SLC24A2: variants seen among roughly 807,000 people sequenced by gnomAD.
SLC24A2 encodes the protein solute carrier family 24 member 2.
Under a neutral mutation model 62.0 loss-of-function variants are expected in SLC24A2, and 36 were observed. The observed-to-expected ratio is 0.58, with a 90% confidence interval of 0.44 to 0.77. The LOEUF (loss-of-function observed/expected upper bound fraction) is 0.77. SLC24A2 is among the 30% of genes least tolerant of loss of function. SLC24A2 has a pLI of 0.00. For synonymous variants in SLC24A2, 358 were observed against 294.0 expected (o/e 1.22, Z -2.23); for missense variants, 846 against 817.9 (o/e 1.03, Z -0.42).
chr9:19,624,227 C>T (rs568489004), intron 2 of SLC24A2, among the ~76,000 whole-genome samples: 60 of 152,216 alleles, frequency 3.9e-4, no homozygotes, highest in Non-Finnish European at 7.2e-4. Context: ...CGTCAGAGCA[C>T]GCCTGGTCAG....
intron 2 of SLC24A2, among the ~76,000 whole-genome samples, chr9:19,709,528 G>A (rs1223113234): frequency 6.6e-6 from 1 of 151,898 alleles, no homozygotes; most frequent in Non-Finnish European, 1.5e-5. Context: ...ACGATAGACT[G>A]GATTAAGAAA....
At chr9:20,147,402 C>T in the SLC24A2 span, among the ~76,000 whole-genome samples, 46 of 152,184 alleles carry the variant, frequency 3.0e-4, no homozygotes, top group Admixed American at 1.4e-3. Flanking sequence ...CATTTTGAGA[C>T]AAAAATAAAT....
At chr9:19,998,692 G>A in the SLC24A2 span, among the ~76,000 whole-genome samples, 4 of 152,134 alleles carry the variant, frequency 2.6e-5, no homozygotes, top group Admixed American at 1.3e-4. Context: ...GCTCAAATCC[G>A]TTCATACTAA....
At chr9:20,006,027 A>C in the SLC24A2 span, among the ~76,000 whole-genome samples, 1 of 151,888 alleles carries the variant, frequency 6.6e-6, no homozygotes, top group Non-Finnish European at 1.5e-5. Flanking sequence ...GCTTATGTAC[A>C]CACAAACATA....
the SLC24A2 span, chr9:19,926,162 C>G: frequency 3.9e-5 from 6 of 152,262 alleles, no homozygotes; most frequent in Non-Finnish European, 8.8e-5. Context: ...AGTCACTAAG[C>G]ATGACCACTA....
chr9:20,209,843 TAAGA>T, the SLC24A2 span, among the ~76,000 whole-genome samples: 45 of 152,232 alleles, frequency 3.0e-4, no homozygotes, highest in African/African-American at 1.1e-3. Flanking sequence ...TGGTAAAAAA[TAAGA>T]AAGACTTTCA....
the SLC24A2 span, among the ~76,000 whole-genome samples, chr9:20,051,657 C>CTTTTTTTTTT: frequency 0.083 from 6,037 of 72,910 alleles, 645 homozygotes; most frequent in African/African-American, 0.1. Context: ...TTTTCTTTCT[C>CTTTTTTTTTT]TTTTTTTTTT....
At chr9:19,594,966 G>A (rs921189511) in intron 5 of SLC24A2, among the ~76,000 whole-genome samples, 3 of 152,190 alleles carry the variant, frequency 2.0e-5, no homozygotes, top group African/African-American at 7.2e-5. Flanking sequence ...TACATGGCTG[G>A]ATGGACAGCT....
the SLC24A2 span, among the ~76,000 whole-genome samples, chr9:20,081,269 A>T: frequency 6.6e-6 from 1 of 152,088 alleles, no homozygotes; most frequent in Non-Finnish European, 1.5e-5. Flanking sequence ...AAAATGTGGC[A>T]CATATACACG....
intron 8 of SLC24A2, among the ~76,000 whole-genome samples, chr9:19,543,286 A>C (rs1834373770): frequency 1.3e-5 from 2 of 151,682 alleles, no homozygotes; most frequent in African/African-American, 4.8e-5. Flanking sequence ...CCCCTTTATC[A>C]TTTTTTATTG....
the SLC24A2 span, among the ~76,000 whole-genome samples, chr9:19,854,205 G>T: frequency 1.3e-5 from 2 of 151,914 alleles, no homozygotes. Flanking sequence ...TTCTTTATCA[G>T]TCTAGCTAGC....
intron 2 of SLC24A2, among the ~76,000 whole-genome samples, chr9:19,678,193 A>G (rs1177263162): frequency 6.6e-6 from 1 of 152,232 alleles, no homozygotes; most frequent in Non-Finnish European, 1.5e-5. Flanking sequence ...GGTGCTTAAT[A>G]ACGGAAGCCC....
the SLC24A2 span, among the ~76,000 whole-genome samples, chr9:20,149,581 G>A: frequency 6.6e-6 from 1 of 151,892 alleles, no homozygotes; most frequent in Non-Finnish European, 1.5e-5. Context: ...CATGCAATCA[G>A]TTACAGGTAA....
At chr9:20,121,855 A>T in the SLC24A2 span, among the ~76,000 whole-genome samples, 1 of 152,216 alleles carries the variant, frequency 6.6e-6, no homozygotes, top group Non-Finnish European at 1.5e-5. Context: ...TCTTAAAAAA[A>T]TATCCAGACC....
the SLC24A2 span, among the ~76,000 whole-genome samples, chr9:20,251,375 A>T: frequency 6.6e-6 from 1 of 152,054 alleles, no homozygotes; most frequent in East Asian, 1.9e-4. Context: ...CAAACATTTC[A>T]AACGAGTAAA....
At position 19,673,584 on chromosome 9, in the gene SLC24A2, G is replaced by A. The variant is rs1045927559; in HGVS notation, c.931-51285C>T. On this transcript the variant is annotated intron_variant, in intron 2 of 10. Transcript: ENST00000341998. ...CTGCCTCACCCTCCAGAATAGCTGG[G>A]ATTACAGGTGTGCACCACCATGCCC... Among the ~76,000 whole-genome samples the A allele has an allele frequency of 3.9e-5, 6 of 152,174 alleles. No individual in the cohort carries two copies. In the East Asian group the frequency reaches 1.2e-3, roughly 29 times the overall value.
chr9:19,924,736 T>G, the SLC24A2 span, among the ~76,000 whole-genome samples: 5 of 152,184 alleles, frequency 3.3e-5, no homozygotes, highest in Non-Finnish European at 7.3e-5. Context: ...GAAGACTGAA[T>G]CTCTGAGGGT....
chr9:19,659,742 T>A (rs897781471), intron 2 of SLC24A2, among the ~76,000 whole-genome samples: 1 of 152,176 alleles, frequency 6.6e-6, no homozygotes, highest in African/African-American at 2.4e-5. Context: ...AGAGCTGTGA[T>A]GAAAAGTGAG....
the SLC24A2 span, among the ~76,000 whole-genome samples, chr9:19,850,951 ATATATATATATATATGT>A: frequency 3.6e-5 from 1 of 28,056 alleles, no homozygotes; most frequent in Non-Finnish European, 9.0e-5. Flanking sequence ...ATATACATAT[ATATATATATATATATGT>A]ATATATATAT....
Sources: allele counts gnomAD v4.1 joint callset (sites outside exome capture counted in the v4.1 genomes callset), GRCh38; gene constraint gnomAD v4.1.1; transcripts MANE v1.5; gene names NCBI Gene and HGNC (gene_info 2026-07-23, HGNC 2026-07-21).